The following STK38 variants were observed in gnomAD, a reference collection of about 807,000 sequenced individuals.
The protein encoded by STK38 is serine/threonine-protein kinase 38.
Under a neutral mutation model 59.0 loss-of-function variants are expected in STK38, and 26 were observed. The observed-to-expected ratio is 0.44, with a 90% confidence interval of 0.32 to 0.61. The LOEUF (loss-of-function observed/expected upper bound fraction) is 0.61. Among genes scored for constraint, STK38 ranks in the 20% least tolerant of loss-of-function variants. The pLI is 0.04. For missense variants in STK38, 433 were observed against 566.0 expected, an observed-to-expected ratio of 0.76 and a Z score of 2.38; for synonymous variants, 175 against 176.6, an observed-to-expected ratio of 0.99 and a Z score of 0.07.
At chr6:36,499,202 A>G (rs965831794) in intron 10 of STK38, among the ~76,000 whole-genome samples, 1 of 152,212 alleles carries the variant, frequency 6.6e-6, no homozygotes, top group African/African-American at 2.4e-5. Flanking sequence ...AATAACTTGA[A>G]TAAGAAAAAA....
chr6:36,501,231 G>C (rs1017688836), intron 9 of STK38, among the ~76,000 whole-genome samples: 1 of 152,048 alleles, frequency 6.6e-6, no homozygotes, highest in Non-Finnish European at 1.5e-5. Context: ...GGGATTACAG[G>C]TGTGAGCCAC....
chr6:36,508,745 C>T (rs990067999), intron 7 of STK38, among the ~76,000 whole-genome samples: 1 of 152,228 alleles, frequency 6.6e-6, no homozygotes, highest in Admixed American at 6.5e-5. Context: ...AGTGGCAAGG[C>T]GTGTGTGAGT....
chr6:36,495,810 G>C lies in STK38; in HGVS notation c.1372C>G (p.Pro458Ala). 1 of 1,614,034 alleles carries C rather than the reference G, an allele frequency of 6.2e-7. No homozygotes were observed. Among genetic ancestry groups the C allele is most frequent in the African/African-American group, 1.3e-5 (1 of 75,012 alleles). The part of the protein sequence containing the change: ...FEGLTARGAI[P>A]SYMKAAK ...TATTTTGCTGCTTTCATGTAGGAAG[G>C]TATTGCCCCCCTTGCAGTCAGGCCC... The change falls in exon 14 of 14, where the codon CCT becomes GCT. Residue 458 changes from proline (P) to alanine (A), a missense_variant. This residue lies in a region of STK38 where 136 missense variants were observed against 156.7 expected (regional missense o/e 0.87). Coordinates refer to ENST00000229812, the MANE Select transcript of STK38 (RefSeq NM_007271.4).
At chr6:36,503,450 T>TGTGTGTGTGTGTG (rs560345828) in intron 9 of STK38, among the ~76,000 whole-genome samples, 78 of 131,388 alleles carry the variant, frequency 5.9e-4, no homozygotes, top group African/African-American at 2.2e-3. Context: ...GTGTGTGTGT[T>TGTGTGTGTGTGTG]TGTGTGTGTA....
intron 2 of STK38, among the ~76,000 whole-genome samples, chr6:36,532,728 G>A (rs1049148485): frequency 2.0e-5 from 3 of 151,946 alleles, no homozygotes; most frequent in Non-Finnish European, 2.9e-5. Flanking sequence ...GTGAAACCCC[G>A]CTTCTACTAA....
At chr6:36,507,626 A>G (rs780147731) in intron 7 of STK38, 24 bp from the exon 8 acceptor site, 3 of 1,550,174 alleles carry the variant, frequency 1.9e-6, no homozygotes, top group South Asian at 1.1e-5. Context: ...ACAAGGTGAT[A>G]GATGGATGAG....
chr6:36,512,772 T>C (rs1258467533), intron 7 of STK38, among the ~76,000 whole-genome samples: 2 of 152,012 alleles, frequency 1.3e-5, no homozygotes, highest in African/African-American at 4.8e-5. Context: ...CTGATTCTCC[T>C]GCCTCAGCCT....
chr6:36,509,897 A>T (rs986365937), intron 7 of STK38, among the ~76,000 whole-genome samples: 1 of 152,192 alleles, frequency 6.6e-6, no homozygotes, highest in Non-Finnish European at 1.5e-5. Flanking sequence ...TTTCTGCAGC[A>T]GGTCGTCTGA....
chr6:36,506,483 A>G (rs1380120031), intron 9 of STK38, 100 bp downstream of exon 9: 2 of 1,215,060 alleles, frequency 1.6e-6, no homozygotes, highest in Non-Finnish European at 2.4e-6. Context: ...AAAGCAAGGG[A>G]TATGTTGCAA....
At chr6:36,540,340 G>T in intron 1 of STK38, 133 bp from the exon 2 acceptor site, 1 of 823,028 alleles carries the variant, frequency 1.2e-6, no homozygotes, top group Non-Finnish European at 1.9e-6. Context: ...TGTAACAAAA[G>T]CCAGAGAAAG....
At chr6:36,544,407 C>A (rs1044809951) in intron 1 of STK38, among the ~76,000 whole-genome samples, 2 of 149,588 alleles carry the variant, frequency 1.3e-5, no homozygotes, top group Non-Finnish European at 3.0e-5. Flanking sequence ...TCAGCCTGTA[C>A]CCCCCCCTCC....
At chr6:36,498,546 T>C in intron 10 of STK38, 60 bp from the exon 11 acceptor site, 1 of 1,552,768 alleles carries the variant, frequency 6.4e-7, no homozygotes, top group Non-Finnish European at 8.7e-7. Flanking sequence ...CTGACCGAGA[T>C]TACTCTCCTT....
At chr6:36,538,421 G>A (rs1267780451) in intron 2 of STK38, among the ~76,000 whole-genome samples, 1 of 152,172 alleles carries the variant, frequency 6.6e-6, no homozygotes, top group African/African-American at 2.4e-5. Flanking sequence ...TTTGATAAAG[G>A]TTTAAGTTAT....
Position 36,535,619 on chromosome 6 carries a change from T to C in STK38, c.131+4453A>G, listed in dbSNP as rs1191922781. Among the ~76,000 whole-genome samples the C allele has an allele frequency of 5.3e-5, 8 of 151,972 alleles. No individual in the cohort carries two copies. In the East Asian group the frequency reaches 1.4e-3, roughly 26 times the overall value. Reference sequence around the variant, plus strand: ...CAGGCCGGGTGCAGTGGCTCATACCTATAATCCCAAAACTTTGGGAGGCCA... The same window carrying C: ...CAGGCCGGGTGCAGTGGCTCATACCCATAATCCCAAAACTTTGGGAGGCCA... On this transcript the variant is annotated intron_variant, in intron 2 of 13. Coordinates refer to ENST00000229812, the MANE Select transcript of STK38 (RefSeq NM_007271.4).
At chr6:36,511,379 C>G (rs111284619) in intron 7 of STK38, among the ~76,000 whole-genome samples, 115 of 151,254 alleles carry the variant, frequency 7.6e-4, no homozygotes, top group African/African-American at 2.6e-3. Context: ...CTTTCTGAGA[C>G]AGAGTCTCGC....
At chr6:36,519,961 C>T (rs763679143) in intron 5 of STK38, among the ~76,000 whole-genome samples, 42 of 152,284 alleles carry the variant, frequency 2.8e-4, no homozygotes, top group Admixed American at 7.2e-4. Flanking sequence ...TTAATTCCTA[C>T]CCAGTTTATT....
Position 36,494,151 on chromosome 6 carries a change from G to GAGAGGCAAACACATCACCTTCATCC in STK38, c.*1608_*1632dup. Reference sequence around the variant, plus strand: ...ACTAGCAGGCTATGAATGAAAGACTGAGAGGCAAACACATCACCTTCATCC... The same window carrying GAGAGGCAAACACATCACCTTCATCC: ...ACTAGCAGGCTATGAATGAAAGACTGAGAGGCAAACACATCACCTTCATCCAGAGGCAAACACATCACCTTCATCC... On this transcript the variant is annotated 3_prime_UTR_variant, in exon 14 of 14. Coordinates refer to ENST00000229812, the MANE Select transcript of STK38 (RefSeq NM_007271.4). The GAGAGGCAAACACATCACCTTCATCC allele has an allele frequency of 6.6e-6, 1 of 152,410 alleles. No individual in the cohort carries two copies. The highest frequency in any genetic ancestry group is 1.9e-4 in the East Asian group (1 of 5,188). 9.4% of individuals were successfully genotyped at this position (152,410 alleles called of 1,614,324 possible). A position where few individuals can be genotyped will look rare whatever the true frequency, so the allele number is the denominator to read the frequency against.
rs373678730 is a variant in STK38, at chr6:36,495,780, A to G, written c.*4T>C. The G allele has an allele frequency of 2.8e-4, 458 of 1,613,750 alleles. No homozygotes were observed. The highest frequency in any genetic ancestry group is 3.8e-4 in the Non-Finnish European group (447 of 1,179,840). On this transcript the variant is annotated 3_prime_UTR_variant, in exon 14 of 14. Coordinates refer to ENST00000229812, the MANE Select transcript of STK38 (RefSeq NM_007271.4). ...GCTCCACATAGGATTCCGTGGCAAGAGTACTATTTTGCTGCTTTCATGTAG... is the reference window on the plus strand; with the variant it reads ...GCTCCACATAGGATTCCGTGGCAAGGGTACTATTTTGCTGCTTTCATGTAG...
At chr6:36,500,113 C>A in intron 9 of STK38, 123 bp from the exon 10 acceptor site, 1 of 709,486 alleles carries the variant, frequency 1.4e-6, no homozygotes, top group Non-Finnish European at 2.5e-6. Flanking sequence ...AGCAGGACTG[C>A]CCAGTAGCTT....
Sources: allele counts gnomAD v4.1 joint callset (sites outside exome capture counted in the v4.1 genomes callset), GRCh38; gene constraint gnomAD v4.1.1; regional missense constraint gnomAD v4.1.1; transcripts MANE v1.5; gene names NCBI Gene and HGNC (gene_info 2026-07-23, HGNC 2026-07-21).